Variants in LRRK1 observed in about 807,000 individuals in gnomAD.
LRRK1 encodes leucine-rich repeat serine/threonine-protein kinase 1.
Under a neutral mutation model 209.1 loss-of-function variants are expected in LRRK1, and 113 were observed. That is an observed-to-expected ratio of 0.54 (90% confidence interval 0.46 to 0.63). The LOEUF is 0.63. LRRK1 is among the 30% of genes least tolerant of loss of function. The pLI is 0.00. For synonymous variants in LRRK1, 1,144 were observed against 1,099.7 expected (o/e 1.04, Z -0.80); for missense variants, 2,284 against 2,632.2 (o/e 0.87, Z 2.89).
rs375197644 is a variant in LRRK1 at position 101,067,328 on chromosome 15, C to T, written c.5870+587C>T. 73 of 455,946 alleles carry T rather than the reference C, an allele frequency of 1.6e-4. 3 individuals carry two copies. The highest frequency in any genetic ancestry group is 7.3e-4 in the Admixed American group (31 of 42,570). The allele number at this position is 455,946 out of a possible 1,614,324, so 28.2% of individuals were successfully genotyped here. On this transcript the variant is annotated intron_variant, in intron 33 of 33. Coordinates refer to ENST00000388948, the MANE Select transcript of LRRK1 (RefSeq NM_024652.6). ...CATGGTTGCAGTGATGTGAGGCTGG[C>T]GCCAGCTGCAGCTCCCCACAGTGTT...
rs575939418 is a variant in LRRK1 at position 101,021,123 on chromosome 15, C to G, written c.1680C>G (p.Leu560=). The G allele has an allele frequency of 3.1e-6, 5 of 1,613,976 alleles. No homozygotes were observed. The highest frequency in any genetic ancestry group is 3.4e-6 in the Non-Finnish European group (4 of 1,180,000). Reference sequence around the variant, plus strand: ...TCCTTTGCCTGAACGACAACCACCTCGACACAGTCCCTCCCTCGGTTTGCC... The same window carrying G: ...TCCTTTGCCTGAACGACAACCACCTGGACACAGTCCCTCCCTCGGTTTGCC... ...LEVLCLNDNH[L]DTVPPSVCLL... Residue 560 remains leucine, a synonymous_variant, in exon 13 of 34, where the codon CTC becomes CTG. Coordinates refer to ENST00000388948, the MANE Select transcript of LRRK1 (RefSeq NM_024652.6).
chr15:101,023,798 G>A (rs1487323503), intron 15 of LRRK1, among the ~76,000 whole-genome samples: 1 of 152,236 alleles, frequency 6.6e-6, no homozygotes, highest in East Asian at 1.9e-4. Context: ...AAGGGGTGAA[G>A]CGCTGCCTGT....
rs1178570157 is a variant in LRRK1 at position 101,048,562 on chromosome 15, C to A, written c.3204C>A (p.Asn1068Lys). The change falls in exon 22 of 34, where the codon AAC becomes AAA. Residue 1068 changes from asparagine (N) to lysine (K), a missense_variant. Physicochemically the swap from Asn to Lys is moderately conservative, Grantham distance 94. Coordinates refer to ENST00000388948, the MANE Select transcript of LRRK1 (RefSeq NM_024652.6). ...RKVTIYSFTG[N>K]QRNRCSTFRV... ...TCACCATTTACAGTTTTACAGGAAA[C>A]CAGAGAAATCGCTGTAGCACATTCA... The A allele has an allele frequency of 1.3e-6, 2 of 1,591,330 alleles. No homozygotes were observed. Among genetic ancestry groups the A allele is most frequent in the South Asian group, 1.1e-5 (1 of 87,246 alleles).
intron 6 of LRRK1, among the ~76,000 whole-genome samples, chr15:101,008,291 T>C (rs909405774): frequency 6.6e-6 from 1 of 152,072 alleles, no homozygotes; most frequent in Admixed American, 6.5e-5. Flanking sequence ...TTTTATATAT[T>C]GTGTGGCCAT....
rs543299102 is a variant in LRRK1 at position 101,021,603 on chromosome 15, A to C, written c.1740-242A>C. On this transcript the variant is annotated intron_variant, in intron 13 of 33. Coordinates refer to ENST00000388948, the MANE Select transcript of LRRK1 (RefSeq NM_024652.6). ...GGATGTACTTAGTAGCAGAGACAGG[A>C]AAGTTGGGGGAGGGGACTCAATTCT... is the stretch of plus-strand genomic sequence containing the variant. 2.6e-5 allele frequency: 14 copies of C among 535,078 alleles called. No homozygotes were observed. In the East Asian group the frequency reaches 3.4e-4, roughly 13 times the overall value. The allele number at this position is 535,078 out of a possible 1,614,324, so 33.1% of individuals were successfully genotyped here.
intron 23 of LRRK1, among the ~76,000 whole-genome samples, chr15:101,050,160 G>T (rs184157820): frequency 1.3e-5 from 2 of 152,314 alleles, no homozygotes; most frequent in African/African-American, 2.4e-5. Flanking sequence ...GGAGCCGGCA[G>T]ATGGAAATTT....
In LRRK1 at chr15:101,046,157, T is replaced by C. The variant is rs987559716; in HGVS notation, c.3135+5T>C. ...CTGGCGGAGATGGACCTGCAGGTAT[T>C]ATGGCTGCGGTTTCTGCATAGACAG... is the stretch of plus-strand genomic sequence containing the variant. On this transcript the variant is annotated splice_donor_5th_base_variant and intron_variant, in intron 21 of 33. Coordinates refer to ENST00000388948, the MANE Select transcript of LRRK1 (RefSeq NM_024652.6). The C allele has an allele frequency of 6.2e-7, 1 of 1,613,904 alleles. No homozygotes were observed. The highest frequency in any genetic ancestry group is 8.5e-7 in the Non-Finnish European group (1 of 1,179,836).
At chr15:100,977,005 C>T (rs2031331555) in intron 3 of LRRK1, among the ~76,000 whole-genome samples, 1 of 152,108 alleles carries the variant, frequency 6.6e-6, no homozygotes, top group Non-Finnish European at 1.5e-5. Context: ...CACTGAAGCT[C>T]TAGACGTTAC....
At chr15:101,045,582 T>C (rs1198369666) in intron 20 of LRRK1, among the ~76,000 whole-genome samples, 1 of 152,256 alleles carries the variant, frequency 6.6e-6, no homozygotes, top group Admixed American at 6.5e-5. Flanking sequence ...CCTTGAAACC[T>C]TGCAGCTGTG....
chr15:101,030,234 A>G (rs61403249), intron 20 of LRRK1, among the ~76,000 whole-genome samples: 5,900 of 151,726 alleles, frequency 0.039, 366 homozygotes, highest in African/African-American at 0.14. Flanking sequence ...TCCTCTGCTG[A>G]CCCTGCCCCA....
At chr15:101,006,197 C>G (rs1242516355) in intron 6 of LRRK1, among the ~76,000 whole-genome samples, 1 of 152,154 alleles carries the variant, frequency 6.6e-6, no homozygotes, top group Non-Finnish European at 1.5e-5. Context: ...GTGGGAACCA[C>G]TCAACTAGAC....
chr15:101,022,623 C>T lies in LRRK1; in HGVS notation c.2067+26C>T. ...GTCAAGGATGGTCTGCGTGCAGAGT[C>T]CCTGTGGGTGGGAGGAACATCCCTT... is the stretch of plus-strand genomic sequence containing the variant. On this transcript the variant is annotated intron_variant, in intron 15 of 33. Coordinates refer to ENST00000388948, the MANE Select transcript of LRRK1 (RefSeq NM_024652.6). The surrounding 1 kb of genome is among the most constrained non-coding windows in gnomAD (Gnocchi z 4.0). 1 of 1,506,400 alleles carries T rather than the reference C, an allele frequency of 6.6e-7. No individual in the cohort carries two copies. The highest frequency in any genetic ancestry group is 9.1e-7 in the Non-Finnish European group (1 of 1,100,816). The allele number at this position is 1,506,400 out of a possible 1,614,324, so 93.3% of individuals were successfully genotyped here. A position where few individuals can be genotyped will look rare whatever the true frequency, so the allele number is the denominator to read the frequency against.
chr15:101,009,026 C>G lies in LRRK1; in HGVS notation c.952C>G (p.Pro318Ala). The change falls in exon 7 of 34, where the codon CCT (proline) becomes GCT (alanine). Residue 318 changes from proline (P) to alanine (A), a missense_variant. By Grantham distance (27) the Pro-to-Ala change is conservative. Transcript: ENST00000388948. ...NLSDNHLGEL[P>A]GVQSSDEIIC... ...CTCCGACAACCACCTGGGGGAGCTG[C>G]CTGGCGTGCAGTCATCGGACGAAAT... The G allele has an allele frequency of 6.2e-7, 1 of 1,614,224 alleles. No individual in the cohort carries two copies. Among genetic ancestry groups the G allele is most frequent in the African/African-American group, 1.3e-5 (1 of 75,058 alleles).
At chr15:100,950,110 A>G (rs546834017) in intron 2 of LRRK1, among the ~76,000 whole-genome samples, 1 of 152,380 alleles carries the variant, frequency 6.6e-6, no homozygotes, top group South Asian at 2.1e-4. Flanking sequence ...TATTCTAAAC[A>G]ACACACAAAA....
At chr15:100,966,745 C>T (rs540131677) in intron 2 of LRRK1, among the ~76,000 whole-genome samples, 24 of 152,228 alleles carry the variant, frequency 1.6e-4, no homozygotes, top group African/African-American at 5.3e-4. Flanking sequence ...AAGTCAGAGT[C>T]GAAACAGATA....
intron 2 of LRRK1, among the ~76,000 whole-genome samples, chr15:100,938,528 T>A (rs2042344037): frequency 6.6e-6 from 1 of 152,112 alleles, no homozygotes; most frequent in African/African-American, 2.4e-5. Context: ...GCACTGGAAC[T>A]TACTCCTCCC....
chr15:101,021,061 C>T lies in LRRK1; in HGVS notation c.1618C>T (p.Leu540=), dbSNP rs1165898986. 1 of 1,614,156 alleles carries T rather than the reference C, an allele frequency of 6.2e-7. No homozygotes were observed. Among genetic ancestry groups the T allele is most frequent in the East Asian group, 2.2e-5 (1 of 44,888 alleles). Residue 540 remains leucine, a synonymous_variant, in exon 13 of 34, where the codon CTG becomes TTG. Transcript: ENST00000388948. The part of the protein sequence containing the change: ...QRSGTEAASV[L]EFPAFLSESL... The stretch of plus-strand genomic sequence containing the variant: ...TTGCCATGTCTTTGCAGCAAGTGTG[C>T]TGGAATTTCCGGCCTTCCTAAGTGA...
intron 20 of LRRK1, chr15:101,044,202 T>G (rs562153825): frequency 6.6e-6 from 1 of 152,376 alleles, no homozygotes; most frequent in East Asian, 1.9e-4. Flanking sequence ...AGTGAACCCC[T>G]CCAGCCCCTC....
In LRRK1 at chr15:101,025,991, G is replaced by C; in HGVS notation, c.2259G>C (p.Leu753=). 6.2e-7 allele frequency: 1 copy of C among 1,614,222 alleles called. No individual in the cohort carries two copies. Among genetic ancestry groups the C allele is most frequent in the Non-Finnish European group, 8.5e-7 (1 of 1,180,046 alleles). The change falls in exon 17 of 34, where the codon CTG becomes CTC. Residue 753 remains leucine (L), a synonymous_variant. Coordinates refer to ENST00000388948, the MANE Select transcript of LRRK1 (RefSeq NM_024652.6). ...CCAAGGCCCCAAACGCCGTGGTGCTGGTGGTCGGGACGCACCTGGATTTAA... is the reference window on the plus strand; with the variant it reads ...CCAAGGCCCCAAACGCCGTGGTGCTCGTGGTCGGGACGCACCTGGATTTAA... ...IEAKAPNAVV[L]VVGTHLDLIE...
Sources: gnomAD v4.1 joint callset for allele counts (sites outside exome capture counted in the v4.1 genomes callset) on GRCh38, gnomAD v4.1.1 for gene constraint, Gnocchi (gnomAD v3.1) non-coding constraint, MANE v1.5 for transcripts, NCBI Gene and HGNC (gene_info 2026-07-23, HGNC 2026-07-21) for gene names.